INSL6: variants seen among roughly 807,000 people sequenced by gnomAD.
INSL6 encodes insulin-like peptide INSL6.
A neutral mutation model predicts 9.4 loss-of-function variants in INSL6; 16 were observed. The observed-to-expected ratio is 1.70, with a 90% CI of 1.15 to 2.59. The LOEUF (loss-of-function observed/expected upper bound fraction) is 2.59, where lower values mean the gene tolerates loss of function less well. Ranked by LOEUF, INSL6 falls within the 30% of genes most tolerant of loss-of-function variation. The probability of loss-of-function intolerance (pLI) is 0.00; values close to 1 mark genes in which losing one functional copy is unlikely to be tolerated. For synonymous variants in INSL6, 154 were observed against 96.9 expected (o/e 1.59, Z -3.46); for missense variants, 391 against 257.3 (o/e 1.52, Z -3.56).
chr9:5,089,644 A>G, the INSL6 span: 1 of 1,205,328 alleles, frequency 8.3e-7, no homozygotes. Context: ...AAAACTTGGT[A>G]TTTCCATCCT....
At chr9:5,026,423 C>T in the INSL6 span, among the ~76,000 whole-genome samples, 1 of 152,150 alleles carries the variant, frequency 6.6e-6, no homozygotes, top group Non-Finnish European at 1.5e-5. Context: ...TATTACACAT[C>T]TGTAAGTAGA....
At chr9:5,159,790 A>C (rs978378163), downstream of INSL6, among the ~76,000 whole-genome samples, 4 of 152,244 alleles carry the variant, frequency 2.6e-5, no homozygotes, top group African/African-American at 9.6e-5. Context: ...ACTATAGAAC[A>C]AACAGACCTA....
chr9:5,096,723 C>G, the INSL6 span: 6 of 152,096 alleles, frequency 3.9e-5, no homozygotes, highest in African/African-American at 1.2e-4. Context: ...AACACTATAC[C>G]TGCTGTTCGG....
At chr9:5,132,059 G>C (rs1564033501) in intron 3 of INSL6, 1 of 152,252 alleles carries the variant, frequency 6.6e-6, no homozygotes, top group East Asian at 1.9e-4. Context: ...GGTAATAGGA[G>C]TAAAGGTTGT....
chr9:5,107,870 G>A, the INSL6 span: 1 of 152,040 alleles, frequency 6.6e-6, no homozygotes, highest in Non-Finnish European at 1.5e-5. Context: ...TGCCTTATTA[G>A]TTTCAATCTC....
At chr9:5,068,301 T>C in the INSL6 span, among the ~76,000 whole-genome samples, 155 of 152,100 alleles carry the variant, frequency 1.0e-3, no homozygotes, top group Non-Finnish European at 8.4e-4. Context: ...ACCTTAAAAA[T>C]AGGTGAACAA....
chr9:5,184,051 T>C (rs1410884619), intron 1 of INSL6, among the ~76,000 whole-genome samples: 2 of 152,174 alleles, frequency 1.3e-5, no homozygotes, highest in East Asian at 3.8e-4. Context: ...GTGGGTTAGT[T>C]TGATGGGTCG....
downstream of INSL6, chr9:5,123,190 C>A: frequency 9.2e-7 from 1 of 1,082,054 alleles, no homozygotes; most frequent in Non-Finnish European, 1.4e-6. Flanking sequence ...TTATGGGGTA[C>A]AAGTACAATT....
At chr9:5,120,571 A>AG (rs1384361172), downstream of INSL6, among the ~76,000 whole-genome samples, 4 of 152,214 alleles carry the variant, frequency 2.6e-5, no homozygotes, top group Admixed American at 6.5e-5. Context: ...GTTGTAAAAA[A>AG]TCGGTGAAAC....
At chr9:5,118,734 A>C in the INSL6 span, among the ~76,000 whole-genome samples, 2 of 152,202 alleles carry the variant, frequency 1.3e-5, no homozygotes, top group African/African-American at 4.8e-5. Flanking sequence ...AGTATCATTC[A>C]TTTCTATGAC....
chr9:5,119,340 G>A (rs1028754494), downstream of INSL6, among the ~76,000 whole-genome samples: 1 of 151,828 alleles, frequency 6.6e-6, no homozygotes. Flanking sequence ...CATATCCAGA[G>A]GTCCTCCTTC....
At chr9:5,012,437 C>T in the INSL6 span, among the ~76,000 whole-genome samples, 1 of 152,072 alleles carries the variant, frequency 6.6e-6, no homozygotes, top group African/African-American at 2.4e-5. Flanking sequence ...ACTACTCTCT[C>T]ATTATCAAAA....
At chr9:5,057,257 A>T in the INSL6 span, among the ~76,000 whole-genome samples, 1 of 152,008 alleles carries the variant, frequency 6.6e-6, no homozygotes, top group African/African-American at 2.4e-5. Context: ...TTTCCTACCA[A>T]ATTATTTATG....
At chr9:5,147,892 T>G (rs538068053) in intron 2 of INSL6, among the ~76,000 whole-genome samples, 2 of 152,244 alleles carry the variant, frequency 1.3e-5, no homozygotes, top group South Asian at 4.1e-4. Flanking sequence ...CCTCAATAAG[T>G]TCAGTTTGAG....
At chr9:5,111,953 G>T in the INSL6 span, 42 of 349,246 alleles carry the variant, frequency 1.2e-4, no homozygotes, top group Admixed American at 4.7e-4. Context: ...ATAACTTGTG[G>T]TCCAGCCCCT....
At chr9:4,999,183 T>TA in the INSL6 span, among the ~76,000 whole-genome samples, 1 of 152,166 alleles carries the variant, frequency 6.6e-6, no homozygotes, top group African/African-American at 2.4e-5. Flanking sequence ...TGGCCCAAGG[T>TA]AAAATGATTA....
the INSL6 span, among the ~76,000 whole-genome samples, chr9:5,077,062 G>C: frequency 6.6e-6 from 1 of 151,812 alleles, no homozygotes; most frequent in Admixed American, 6.6e-5. Context: ...ATAGACAATT[G>C]TTAGTAATTT....
At chr9:5,090,593 G>T in the INSL6 span, 156 of 1,550,850 alleles carry the variant, frequency 1.0e-4, no homozygotes, top group Admixed American at 4.2e-5. Context: ...CTGATTATTT[G>T]CTGTAGATGA....
chr9:5,143,007 T>C (rs1320346475), intron 2 of INSL6, among the ~76,000 whole-genome samples: 2 of 152,080 alleles, frequency 1.3e-5, no homozygotes, highest in African/African-American at 4.8e-5. Context: ...CATTTACTGA[T>C]ATGCTTGAAC....
Sources: allele counts gnomAD v4.1 joint callset (sites outside exome capture counted in the v4.1 genomes callset), GRCh38; gene constraint gnomAD v4.1.1; transcripts MANE v1.5; gene names NCBI Gene and HGNC (gene_info 2026-07-23, HGNC 2026-07-21).